The following EYS variants were observed in gnomAD, a reference collection of about 807,000 sequenced individuals.
EYS encodes the protein EGF-like photoreceptor maintenance factor.
EYS carries 250 observed loss-of-function variants against 282.1 expected under a neutral mutation model. That is an observed-to-expected ratio of 0.89 (90% confidence interval 0.80 to 0.98). EYS has a LOEUF of 0.98. Among genes scored for constraint, EYS ranks in the 50% least tolerant of loss-of-function variants. The probability of loss-of-function intolerance (pLI) is 0.00; values close to 1 mark genes in which losing one functional copy is unlikely to be tolerated. For synonymous variants in EYS, 1,355 were observed against 1,282.9 expected, an observed-to-expected ratio of 1.06 and a Z score of -1.20; for missense variants, 4,016 against 3,709.0, an observed-to-expected ratio of 1.08 and a Z score of -2.15.
intron 12 of EYS, among the ~76,000 whole-genome samples, chr6:65,141,797 A>C (rs941035618): frequency 6.6e-6 from 1 of 152,048 alleles, no homozygotes; most frequent in Non-Finnish European, 1.5e-5. Flanking sequence ...CAAAATTTTC[A>C]AGGGTTGAAA....
intron 2 of EYS, among the ~76,000 whole-genome samples, chr6:65,532,096 G>A (rs1446458290): frequency 6.6e-6 from 1 of 151,922 alleles, no homozygotes; most frequent in Non-Finnish European, 1.5e-5. Flanking sequence ...GTATAAAAAT[G>A]AAATATGAAT....
At chr6:64,455,667 A>G (rs190088909) in intron 26 of EYS, among the ~76,000 whole-genome samples, 313 of 151,874 alleles carry the variant, frequency 2.1e-3, no homozygotes, top group Non-Finnish European at 3.6e-3. Flanking sequence ...ATGTGTTCTC[A>G]TTTTTCAAAT....
intron 22 of EYS, among the ~76,000 whole-genome samples, chr6:64,634,360 CT>C (rs1197680765): frequency 6.6e-6 from 1 of 152,056 alleles, no homozygotes; most frequent in Non-Finnish European, 1.5e-5. Flanking sequence ...AAAATGAGGA[CT>C]AATTGAAAAA....
chr6:65,546,943 T>C (rs879943193), intron 2 of EYS, among the ~76,000 whole-genome samples: 2 of 152,110 alleles, frequency 1.3e-5, no homozygotes, highest in Non-Finnish European at 2.9e-5. Context: ...TTAAGTTTTC[T>C]ACAACTCTAC....
At chr6:64,615,472 G>A (rs1441869860) in intron 24 of EYS, among the ~76,000 whole-genome samples, 1 of 151,820 alleles carries the variant, frequency 6.6e-6, no homozygotes, top group African/African-American at 2.4e-5. Context: ...TTGAATATTT[G>A]ATTTTCTGAT....
At chr6:64,663,166 T>A (rs930479144) in intron 22 of EYS, among the ~76,000 whole-genome samples, 4 of 152,194 alleles carry the variant, frequency 2.6e-5, no homozygotes, top group African/African-American at 9.7e-5. Context: ...GTTATCTTGA[T>A]AACAATTTTG....
chr6:65,369,008 G>A lies in EYS; in HGVS notation c.1299+15378C>T, dbSNP rs547846705. Among the ~76,000 whole-genome samples, 13 of 151,208 alleles carry A rather than the reference G, an allele frequency of 8.6e-5. 1 individual carries two copies. In the Admixed American group the frequency reaches 8.9e-4, roughly 10 times the overall value. The stretch of plus-strand genomic sequence containing the variant: ...TTGTTATTTTATGCTTAATACATCT[G>A]GGATCCTACCTCTTTCTCCCCGTTT... On this transcript the variant is annotated intron_variant, in intron 8 of 42. Coordinates refer to ENST00000503581, the MANE Select transcript of EYS (RefSeq NM_001142800.2).
intron 8 of EYS, among the ~76,000 whole-genome samples, chr6:65,358,023 G>T (rs1764560476): frequency 6.6e-6 from 1 of 151,892 alleles, no homozygotes; most frequent in East Asian, 1.9e-4. Flanking sequence ...TCTCTGTTAA[G>T]ATATCTTAAG....
chr6:64,093,561 T>C (rs1772456313), intron 31 of EYS, among the ~76,000 whole-genome samples: 1 of 152,172 alleles, frequency 6.6e-6, no homozygotes, highest in Non-Finnish European at 1.5e-5. Context: ...TGTTTGTCTG[T>C]TGTTGGTGTA....
rs1485031703 is a variant in EYS, at chr6:64,306,586, G to A, written c.6191+384C>T. On this transcript the variant is annotated intron_variant, in intron 30 of 42. Coordinates refer to ENST00000503581, the MANE Select transcript of EYS (RefSeq NM_001142800.2). Reference sequence around the variant, plus strand: ...CCCATAATGGAAACTGAAGAACAAGGACAACTTTTTGAGAGTGATAATTTG... The same window carrying A: ...CCCATAATGGAAACTGAAGAACAAGAACAACTTTTTGAGAGTGATAATTTG... 2.0e-5 allele frequency among the ~76,000 whole-genome samples: 3 copies of A among 152,090 alleles called. No individual in the cohort carries two copies. In the East Asian group the frequency reaches 5.8e-4, roughly 29 times the overall value.
Position 64,103,698 on chromosome 6 carries a change from A to G in EYS, c.6425-21696T>C, listed in dbSNP as rs533869720. On this transcript the variant is annotated intron_variant, in intron 31 of 42. Transcript: ENST00000503581. ...ATTAAACATCTATGAGCAGAGAAGC[A>G]GCAACATTAGAATTGCTCATCAGTA... 5.3e-5 allele frequency among the ~76,000 whole-genome samples: 8 copies of G among 152,316 alleles called. No individual in the cohort carries two copies. In the South Asian group the frequency reaches 1.7e-3, roughly 32 times the overall value.
At chr6:64,497,927 A>T (rs1312161463) in intron 26 of EYS, among the ~76,000 whole-genome samples, 1 of 152,186 alleles carries the variant, frequency 6.6e-6, no homozygotes, top group Non-Finnish European at 1.5e-5. Flanking sequence ...GGCACTGGGA[A>T]GTGAGCTTAT....
At chr6:64,726,806 G>A (rs376295815) in intron 22 of EYS, among the ~76,000 whole-genome samples, 2 of 152,158 alleles carry the variant, frequency 1.3e-5, no homozygotes, top group Non-Finnish European at 1.5e-5. Context: ...CCTGTAGAAC[G>A]AAAACAAAAT....
intron 35 of EYS, among the ~76,000 whole-genome samples, chr6:63,888,589 C>T (rs779065418): frequency 2.6e-5 from 4 of 152,200 alleles, no homozygotes; most frequent in Non-Finnish European, 5.9e-5. Flanking sequence ...AAAGCAACAG[C>T]ATCAAGATCA....
chr6:65,314,727 G>C (rs919688896), intron 11 of EYS, among the ~76,000 whole-genome samples: 12 of 151,594 alleles, frequency 7.9e-5, no homozygotes, highest in African/African-American at 2.9e-4. Flanking sequence ...CCCAAGGATG[G>C]GACATAGCCA....
chr6:65,518,096 ATAAAT>A (rs1767210800), intron 2 of EYS, among the ~76,000 whole-genome samples: 5 of 152,096 alleles, frequency 3.3e-5, no homozygotes, highest in African/African-American at 1.2e-4. Context: ...CCTCTATTTG[ATAAAT>A]GAAGAAACTG....
At chr6:65,318,745 G>A (rs1210024237) in intron 11 of EYS, among the ~76,000 whole-genome samples, 1 of 150,546 alleles carries the variant, frequency 6.6e-6, no homozygotes, top group Admixed American at 6.6e-5. Flanking sequence ...GGGTTCAAGC[G>A]ATTCTCCTTC....
At chr6:65,057,862 A>G (rs1773463664) in intron 12 of EYS, 135 bp from the exon 13 acceptor site, 2 of 641,676 alleles carry the variant, frequency 3.1e-6, no homozygotes, top group Non-Finnish European at 2.8e-6. Context: ...TAAGAATGCC[A>G]CATATATTAC....
intron 12 of EYS, among the ~76,000 whole-genome samples, chr6:65,213,821 C>T (rs1766238838): frequency 6.6e-6 from 1 of 151,954 alleles, no homozygotes; most frequent in Non-Finnish European, 1.5e-5. Context: ...GTGCACCTCT[C>T]AGGTTAAATC....
Sources: allele counts gnomAD v4.1 joint callset (sites outside exome capture counted in the v4.1 genomes callset), GRCh38; gene constraint gnomAD v4.1.1; transcripts MANE v1.5; gene names NCBI Gene and HGNC (gene_info 2026-07-23, HGNC 2026-07-21).